ATAD2B: variants seen among roughly 807,000 people sequenced by gnomAD.
The protein encoded by ATAD2B is ATPase family AAA domain containing 2B.
In ATAD2B, 40 loss-of-function variants were observed where a neutral mutation model predicts 167.6. The ratio of observed to expected loss-of-function variants is 0.24; its 90% CI spans 0.19 to 0.31. The LOEUF is 0.31. Ranked by LOEUF, ATAD2B falls within the 10% of genes least tolerant of loss-of-function variation. The probability of loss-of-function intolerance (pLI) is 1.00; values close to 1 mark genes in which losing one functional copy is unlikely to be tolerated. For missense variants in ATAD2B, 1,242 were observed against 1,757.2 expected (o/e 0.71, Z 5.24); for synonymous variants, 579 against 596.5 (o/e 0.97, Z 0.43).
the ATAD2B span, among the ~76,000 whole-genome samples, chr2:23,694,366 C>G: frequency 6.6e-6 from 1 of 152,314 alleles, no homozygotes; most frequent in Non-Finnish European, 1.5e-5. Flanking sequence ...CTCTCCCCAT[C>G]GAGACCTTCC....
intron 6 of ATAD2B, among the ~76,000 whole-genome samples, chr2:23,883,787 C>A (rs1698303015): frequency 6.6e-6 from 1 of 152,120 alleles, no homozygotes; most frequent in Non-Finnish European, 1.5e-5. Flanking sequence ...GTAAGATTCC[C>A]CTATAAGTAC....
In ATAD2B at chr2:23,751,992, A is replaced by C. The variant is rs1675397549; in HGVS notation, c.*54T>G. On this transcript the variant is annotated 3_prime_UTR_variant, in exon 28 of 28. Coordinates refer to ENST00000238789, the MANE Select transcript of ATAD2B (RefSeq NM_017552.4). ...GCAATTTGAAATTGAATGGCTCAGA[A>C]GACTGCTCTGTGAGGAGCAGATTGG... The C allele has an allele frequency of 7.3e-7, 1 of 1,374,218 alleles. No individual in the cohort carries two copies. Among genetic ancestry groups the C allele is most frequent in the Non-Finnish European group, 1.0e-6 (1 of 987,364 alleles). The allele number at this position is 1,374,218 out of a possible 1,614,324, so 85.1% of individuals were successfully genotyped here.
chr2:23,883,766 A>G (rs747523276), intron 6 of ATAD2B: 21 of 332,834 alleles, frequency 6.3e-5, no homozygotes, highest in Non-Finnish European at 1.1e-4. Flanking sequence ...CTACACAAAT[A>G]ATGGGAACTA....
chr2:23,745,578 C>T (rs114933010), downstream of ATAD2B, among the ~76,000 whole-genome samples: 1 of 152,290 alleles, frequency 6.6e-6, no homozygotes, highest in African/African-American at 2.4e-5. Flanking sequence ...ACCCCCCAAC[C>T]TGATGTTAGC....
downstream of ATAD2B, among the ~76,000 whole-genome samples, chr2:23,745,352 GGAAGGAAGGAAGGAAA>G (rs1394840874): frequency 2.5e-5 from 3 of 119,318 alleles, no homozygotes; most frequent in East Asian, 5.1e-4. Flanking sequence ...AGAGAGGGAT[GGAAGGAAGGAAGGAAA>G]GAAGGAAGGA....
chr2:23,737,268 C>T, the ATAD2B span, among the ~76,000 whole-genome samples: 1 of 152,178 alleles, frequency 6.6e-6, no homozygotes, highest in Non-Finnish European at 1.5e-5. Context: ...GGTCCCTGAC[C>T]CCCGAGTACC....
At chr2:23,882,878 T>A (rs186411680) in intron 6 of ATAD2B, among the ~76,000 whole-genome samples, 1 of 150,244 alleles carries the variant, frequency 6.7e-6, no homozygotes, top group Admixed American at 6.6e-5. Flanking sequence ...CCAAATGCAA[T>A]ATGTAACTTT....
In ATAD2B at chr2:23,766,153, A is replaced by T. The variant is rs187767462; in HGVS notation, c.3134-525T>A. ...AGAAAGACTTTCTAAGCTAAAGGGC[A>T]CAAGATGGTGTATACATTGTAGGTA... On this transcript the variant is annotated intron_variant, in intron 22 of 27. Coordinates refer to ENST00000238789, the MANE Select transcript of ATAD2B (RefSeq NM_017552.4). 8.0e-4 allele frequency among the ~76,000 whole-genome samples: 122 copies of T among 152,348 alleles called. 2 individuals carry two copies. The highest frequency in any genetic ancestry group is 3.4e-3 in the Middle Eastern group (1 of 294).
chr2:23,718,074 C>G, the ATAD2B span, among the ~76,000 whole-genome samples: 1 of 152,138 alleles, frequency 6.6e-6, no homozygotes, highest in Admixed American at 6.5e-5. Context: ...TGCATCTTTC[C>G]CATTGATTAC....
chr2:23,720,075 A>G, the ATAD2B span, among the ~76,000 whole-genome samples: 1 of 152,248 alleles, frequency 6.6e-6, no homozygotes, highest in South Asian at 2.1e-4. Context: ...AGGTGCCACT[A>G]AAAGCCAGAA....
At chr2:23,767,856 T>G (rs1558503748) in intron 22 of ATAD2B, among the ~76,000 whole-genome samples, 1 of 149,494 alleles carries the variant, frequency 6.7e-6, no homozygotes, top group African/African-American at 2.5e-5. Flanking sequence ...GCATAAAAAA[T>G]GGGGAGACGG....
rs1680268910 is a variant in ATAD2B at position 23,782,904 on chromosome 2, T to C, written c.3098A>G (p.Asn1033Ser). 1 of 1,612,510 alleles carries C rather than the reference T, an allele frequency of 6.2e-7. No homozygotes were observed. The highest frequency in any genetic ancestry group is 1.3e-5 in the African/African-American group (1 of 74,968). Reference protein sequence around the residue: ...FLKDIDLICSNALEYNPDKDP... With the variant: ...FLKDIDLICSSALEYNPDKDP... ...CTTATCTGGATTATACTCTAAAGCA[T>C]TGCTACAGATGAGGTCAATATCTTT... The change falls in exon 22 of 28, where the codon AAT becomes AGT. Residue 1033 changes from asparagine (N) to serine (S), a missense_variant. Coordinates refer to ENST00000238789, the MANE Select transcript of ATAD2B (RefSeq NM_017552.4).
chr2:23,747,256 G>A (rs756041306), downstream of ATAD2B, among the ~76,000 whole-genome samples: 2 of 151,362 alleles, frequency 1.3e-5, no homozygotes, highest in Non-Finnish European at 2.9e-5. Flanking sequence ...ATGTAATGCA[G>A]TACAAAACAT....
intron 19 of ATAD2B, among the ~76,000 whole-genome samples, chr2:23,796,423 TA>T (rs556480460): frequency 2.0e-4 from 30 of 152,196 alleles, no homozygotes; most frequent in Non-Finnish European, 3.2e-4. Flanking sequence ...ATGTTAGCTT[TA>T]AAATACTAAA....
intron 1 of ATAD2B, among the ~76,000 whole-genome samples, chr2:23,921,591 G>A (rs1032710915): frequency 1.3e-5 from 2 of 152,160 alleles, no homozygotes; most frequent in African/African-American, 4.8e-5. Context: ...CACTTCCACA[G>A]GCTTTATAAG....
At chr2:23,898,846 C>A (rs1473742587) in intron 1 of ATAD2B, among the ~76,000 whole-genome samples, 2 of 151,980 alleles carry the variant, frequency 1.3e-5, no homozygotes, top group Non-Finnish European at 2.9e-5. Context: ...CTACAAAAAA[C>A]TTAAAAATAA....
chr2:23,871,212 C>T (rs1429440826), intron 8 of ATAD2B, among the ~76,000 whole-genome samples: 2 of 151,840 alleles, frequency 1.3e-5, no homozygotes, highest in South Asian at 2.1e-4. Flanking sequence ...TCCCTTATAT[C>T]GTCTTCTTCT....
At position 23,876,787 on chromosome 2, in the gene ATAD2B, G is replaced by A. The variant is rs563647682; in HGVS notation, c.902-883C>T. ...ACATGATCCATTAAAAAAAATTTTA[G>A]CTGGGTGCAATGGCTCACACCTGTA... On this transcript the variant is annotated intron_variant, in intron 7 of 27. Coordinates refer to ENST00000238789, the MANE Select transcript of ATAD2B (RefSeq NM_017552.4). Among the ~76,000 whole-genome samples, 55 of 152,154 alleles carry A rather than the reference G, an allele frequency of 3.6e-4. No homozygotes were observed. In the South Asian group the frequency reaches 0.011, roughly 29 times the overall value.
chr2:23,857,875 G>C (rs1291464630), intron 12 of ATAD2B, among the ~76,000 whole-genome samples: 5 of 151,060 alleles, frequency 3.3e-5, no homozygotes, highest in Non-Finnish European at 5.9e-5. Context: ...CTGAGTAGCT[G>C]GGACTACAGG....
Sources: gnomAD v4.1 joint callset for allele counts (sites outside exome capture counted in the v4.1 genomes callset) on GRCh38, gnomAD v4.1.1 for gene constraint, MANE v1.5 for transcripts, NCBI Gene and HGNC (gene_info 2026-07-23, HGNC 2026-07-21) for gene names.